DSCAML1: variants seen among roughly 807,000 people sequenced by gnomAD.
DSCAML1 encodes the protein DS cell adhesion molecule like 1, also known as cell adhesion molecule DSCAML1.
Under a neutral mutation model 200.5 loss-of-function variants are expected in DSCAML1, and 38 were observed. The observed-to-expected ratio is 0.19, with a 90% CI of 0.15 to 0.25. DSCAML1 has a LOEUF of 0.25. Ranked by LOEUF, DSCAML1 falls within the 10% of genes least tolerant of loss-of-function variation. The pLI is 1.00. For synonymous variants in DSCAML1, 1,215 were observed against 1,165.0 expected, an observed-to-expected ratio of 1.04 and a Z score of -0.87; for missense variants, 2,223 against 2,858.8, an observed-to-expected ratio of 0.78 and a Z score of 5.07.
chr11:117,817,217 A>G (rs1223249586), intron 1 of DSCAML1, among the ~76,000 whole-genome samples: 2 of 152,192 alleles, frequency 1.3e-5, no homozygotes, highest in Non-Finnish European at 2.9e-5. Flanking sequence ...CTGCAACCCC[A>G]TTGCCCAAGG....
chr11:117,435,620 A>G (rs188758629), intron 27 of DSCAML1, 24 bp downstream of exon 27: 1 of 1,570,626 alleles, frequency 6.4e-7, no homozygotes, highest in Non-Finnish European at 8.7e-7. Context: ...CCCCTCCTGG[A>G]AGGCCCATAG....
intron 16 of DSCAML1, among the ~76,000 whole-genome samples, chr11:117,468,800 T>A (rs550929979): frequency 6.6e-6 from 1 of 152,190 alleles, no homozygotes; most frequent in Non-Finnish European, 1.5e-5. Context: ...GCACATGGTC[T>A]TAGGAAAAAT....
intron 3 of DSCAML1, among the ~76,000 whole-genome samples, chr11:117,741,229 C>G (rs1432217399): frequency 6.6e-6 from 1 of 152,214 alleles, no homozygotes; most frequent in African/African-American, 2.4e-5. Flanking sequence ...AGGTGGGGCA[C>G]CTACTGATTC....
At chr11:117,699,023 C>T (rs2053627972) in intron 3 of DSCAML1, among the ~76,000 whole-genome samples, 1 of 152,234 alleles carries the variant, frequency 6.6e-6, no homozygotes, top group Non-Finnish European at 1.5e-5. Flanking sequence ...TTCATCAAGT[C>T]AGTATGACTC....
At chr11:117,522,189 C>T (rs531801207) in intron 5 of DSCAML1, among the ~76,000 whole-genome samples, 3 of 152,218 alleles carry the variant, frequency 2.0e-5, no homozygotes, top group African/African-American at 4.8e-5. Flanking sequence ...GCTCATCCTT[C>T]GCATGGTGTC....
At chr11:117,452,161 A>G (rs1197439561) in intron 19 of DSCAML1, among the ~76,000 whole-genome samples, 1 of 152,172 alleles carries the variant, frequency 6.6e-6, no homozygotes, top group Non-Finnish European at 1.5e-5. Flanking sequence ...GAGTGTTCAA[A>G]TCTCTATCCT....
chr11:117,758,411 T>C (rs1321725225), intron 3 of DSCAML1, among the ~76,000 whole-genome samples: 1 of 151,786 alleles, frequency 6.6e-6, no homozygotes, highest in East Asian at 1.9e-4. Flanking sequence ...TTGTTTTGTT[T>C]TGTTTTTTGA....
chr11:117,720,446 G>A (rs560485878), intron 3 of DSCAML1, among the ~76,000 whole-genome samples: 10 of 152,152 alleles, frequency 6.6e-5, no homozygotes, highest in African/African-American at 2.2e-4. Flanking sequence ...GCTGAATCAT[G>A]AGAGGCGAGC....
At chr11:117,815,146 A>T (rs1320622641) in intron 1 of DSCAML1, among the ~76,000 whole-genome samples, 1 of 152,046 alleles carries the variant, frequency 6.6e-6, no homozygotes, top group African/African-American at 2.4e-5. Context: ...CCAAGTGTGT[A>T]TTTGCAGGGG....
chr11:117,492,439 A>G (rs2049200813), intron 11 of DSCAML1, among the ~76,000 whole-genome samples: 1 of 152,190 alleles, frequency 6.6e-6, no homozygotes, highest in Non-Finnish European at 1.5e-5. Flanking sequence ...AAGGGACAGC[A>G]GGTACCCTGA....
At chr11:117,477,198 G>GACACACACACACACACAC (rs60376380) in intron 14 of DSCAML1, among the ~76,000 whole-genome samples, 4,565 of 144,528 alleles carry the variant, frequency 0.032, 117 homozygotes, top group East Asian at 0.077. Context: ...GCTGTCCTTA[G>GACACACACACACACACAC]ACACACACAC....
chr11:117,559,272 C>A (rs146088418), intron 3 of DSCAML1, among the ~76,000 whole-genome samples: 2 of 152,308 alleles, frequency 1.3e-5, no homozygotes, highest in Non-Finnish European at 2.9e-5. Flanking sequence ...GAACTCCAGC[C>A]GGTCTTTCTG....
chr11:117,439,227 C>T (rs1565679295), intron 23 of DSCAML1, 39 bp downstream of exon 23: 5 of 1,609,172 alleles, frequency 3.1e-6, no homozygotes, highest in Non-Finnish European at 3.4e-6. Context: ...TTCTCCATCC[C>T]TGTCCCCACC....
intron 5 of DSCAML1, among the ~76,000 whole-genome samples, chr11:117,523,736 C>T (rs992991189): frequency 6.6e-6 from 1 of 152,208 alleles, no homozygotes; most frequent in Non-Finnish European, 1.5e-5. Flanking sequence ...CTGCCCTATG[C>T]TCACAATGAA....
At chr11:117,435,035 T>G (rs192014576) in intron 27 of DSCAML1, among the ~76,000 whole-genome samples, 1 of 152,318 alleles carries the variant, frequency 6.6e-6, no homozygotes, top group East Asian at 1.9e-4. Context: ...GCAGACCCAA[T>G]AAAAGTTTTC....
In DSCAML1 at chr11:117,776,776, C is replaced by T. The variant is rs368156145; in HGVS notation, c.511+15G>A. ...GGAGCACCTCTGTCTGCCGCAGCCC[C>T]GGGACGCTTCTTACCTGGGATGATG... is the stretch of plus-strand genomic sequence containing the variant. On this transcript the variant is annotated intron_variant, in intron 3 of 32. Transcript: ENST00000651296. 77 of 1,613,852 alleles carry T rather than the reference C, an allele frequency of 4.8e-5. No individual in the cohort carries two copies. Among genetic ancestry groups the T allele is most frequent in the African/African-American group, 2.3e-4 (17 of 74,902 alleles).
chr11:117,694,078 T>TATAC (rs61622292), intron 3 of DSCAML1, among the ~76,000 whole-genome samples: 1 of 38,690 alleles, frequency 2.6e-5, no homozygotes, highest in African/African-American at 5.2e-5. Flanking sequence ...TATATATATA[T>TATAC]ACACATATAT....
At chr11:117,460,825 C>T (rs996360062) in intron 18 of DSCAML1, among the ~76,000 whole-genome samples, 3 of 152,138 alleles carry the variant, frequency 2.0e-5, no homozygotes, top group Non-Finnish European at 2.9e-5. Context: ...ACAGAAAACA[C>T]GCCTTGCTGC....
Position 117,483,985 on chromosome 11 carries a change from G to A in DSCAML1, c.2360-1823C>T, listed in dbSNP as rs531819845. Among the ~76,000 whole-genome samples the A allele has an allele frequency of 6.6e-5, 10 of 151,892 alleles. No homozygotes were observed. In the South Asian group the frequency reaches 2.1e-3, roughly 32 times the overall value. The stretch of plus-strand genomic sequence containing the variant: ...GCTTTGGGCAATCGTGCAAAAAGGG[G>A]CTTTGTCTTCTCTGTCCTCAAAACC... On this transcript the variant is annotated intron_variant, in intron 11 of 32. Coordinates refer to ENST00000651296, the MANE Select transcript of DSCAML1 (RefSeq NM_020693.4).
Sources: gnomAD v4.1 joint callset for allele counts (sites outside exome capture counted in the v4.1 genomes callset) on GRCh38, gnomAD v4.1.1 for gene constraint, MANE v1.5 for transcripts, NCBI Gene and HGNC (gene_info 2026-07-23, HGNC 2026-07-21) for gene names.